The following C4orf17 variants were observed in gnomAD, a reference collection of about 807,000 sequenced individuals.
C4orf17 encodes chromosome 4 open reading frame 17, also known as uncharacterized protein C4orf17.
C4orf17 carries 25 observed loss-of-function variants against 32.0 expected under a neutral mutation model. That is an observed-to-expected ratio of 0.78 (90% CI 0.57 to 1.09). C4orf17 has a LOEUF of 1.09. Among genes scored for constraint, C4orf17 ranks in the 50% least tolerant of loss-of-function variants. The pLI, the probability that C4orf17 is intolerant of heterozygous loss-of-function variation, is 0.00. For synonymous variants in C4orf17, 149 were observed against 145.8 expected (o/e 1.02, Z -0.16); for missense variants, 420 against 420.0 (o/e 1.00, Z 0.00).
chr4:99,517,787 T>C (rs948616114), intron 2 of C4orf17, among the ~76,000 whole-genome samples: 4 of 152,162 alleles, frequency 2.6e-5, no homozygotes, highest in African/African-American at 7.2e-5. Flanking sequence ...AGACCAAATA[T>C]TTTTCAAATA....
At position 99,542,035 on chromosome 4, in the gene C4orf17, G is replaced by C; in HGVS notation, c.1006G>C (p.Val336Leu). ...TCAGGAGAGTGGATCAGCAAAACCAGTGTCAGCAAGGAGTATACAAGAATA... is the reference window on the plus strand; with the variant it reads ...TCAGGAGAGTGGATCAGCAAAACCACTGTCAGCAAGGAGTATACAAGAATA... ...NTQESGSAKP[V>L]SARSIQEYNL... is the part of the protein sequence containing the mutation. The change falls in exon 9 of 9, where the codon GTG becomes CTG. Residue 336 changes from valine to leucine, a missense_variant. Transcript: ENST00000326581. 1 of 1,614,104 alleles carries C rather than the reference G, an allele frequency of 6.2e-7. No individual in the cohort carries two copies. Among genetic ancestry groups the C allele is most frequent in the Non-Finnish European group, 8.5e-7 (1 of 1,180,004 alleles).
chr4:99,518,532 TATATATATATATAGAGAG>T (rs1717572286), intron 2 of C4orf17, among the ~76,000 whole-genome samples: 1 of 70,930 alleles, frequency 1.4e-5, no homozygotes, highest in Non-Finnish European at 2.4e-5. Flanking sequence ...TATATATATA[TATATATATATATAGAGAG>T]AGAGAGAGAG....
At chr4:99,532,684 G>A (rs935752283) in intron 5 of C4orf17, among the ~76,000 whole-genome samples, 9 of 152,094 alleles carry the variant, frequency 5.9e-5, no homozygotes, top group African/African-American at 7.2e-5. Flanking sequence ...ACATGTACCC[G>A]CTGAGTCTCA....
At chr4:99,537,621 C>A (rs76328281) in intron 5 of C4orf17, 48 bp from the exon 6 acceptor site, 2 of 1,318,020 alleles carry the variant, frequency 1.5e-6, no homozygotes, top group Non-Finnish European at 1.1e-6. Flanking sequence ...AACTGATAAG[C>A]CTTGTACTAT....
chr4:99,516,870 C>T (rs889082335), intron 2 of C4orf17, among the ~76,000 whole-genome samples: 4 of 152,172 alleles, frequency 2.6e-5, no homozygotes, highest in African/African-American at 4.8e-5. Flanking sequence ...TTCAGCCTAC[C>T]GAAGCGTGGC....
At position 99,524,504 on chromosome 4, in the gene C4orf17, C is replaced by G; in HGVS notation, c.338-17C>G. 1.3e-6 allele frequency: 2 copies of G among 1,501,880 alleles called. No individual in the cohort carries two copies. The highest frequency in any genetic ancestry group is 9.2e-7 in the Non-Finnish European group (1 of 1,084,094). The allele number at this position is 1,501,880 out of a possible 1,614,324, so 93.0% of individuals were successfully genotyped here. On this transcript the variant is annotated splice_polypyrimidine_tract_variant and intron_variant, in intron 3 of 8. Transcript: ENST00000326581. ...TTCAGTTTAATCTAAATACATTTTT[C>G]CTCAATTTTATTTCAGAGCCCAGTA... is the stretch of plus-strand genomic sequence containing the variant.
At chr4:99,531,655 C>T (rs1723478294) in intron 5 of C4orf17, among the ~76,000 whole-genome samples, 1 of 152,130 alleles carries the variant, frequency 6.6e-6, no homozygotes, top group African/African-American at 2.4e-5. Context: ...TTTCTTAGCA[C>T]TCACCACTTC....
chr4:99,527,419 T>C (rs1723407971), intron 4 of C4orf17, among the ~76,000 whole-genome samples: 1 of 152,174 alleles, frequency 6.6e-6, no homozygotes, highest in Non-Finnish European at 1.5e-5. Context: ...TCAAGTTAGG[T>C]GATACTGTTG....
intron 2 of C4orf17, among the ~76,000 whole-genome samples, chr4:99,520,176 G>T (rs904641124): frequency 2.7e-5 from 4 of 148,176 alleles, no homozygotes; most frequent in Admixed American, 1.4e-4. Flanking sequence ...TGCAAGCTCC[G>T]CCTCGCGGGT....
chr4:99,521,123 C>T (rs1723280931), intron 2 of C4orf17, among the ~76,000 whole-genome samples: 1 of 152,120 alleles, frequency 6.6e-6, no homozygotes, highest in Non-Finnish European at 1.5e-5. Context: ...CCTGTAATCC[C>T]AGCACTTCGG....
chr4:99,523,976 C>CTT (rs34303512), intron 3 of C4orf17, among the ~76,000 whole-genome samples: 36 of 114,088 alleles, frequency 3.2e-4, no homozygotes, highest in Non-Finnish European at 3.7e-4. Flanking sequence ...AAAATATATA[C>CTT]TTTTTTTTTT....
chr4:99,530,015 A>G (rs1209079067), intron 5 of C4orf17, 57 bp downstream of exon 5: 3 of 1,392,714 alleles, frequency 2.2e-6, no homozygotes, highest in Non-Finnish European at 2.9e-6. Context: ...ATACAAAAAA[A>G]TTTATACCAC....
At chr4:99,540,596 G>T in intron 8 of C4orf17, 141 bp downstream of exon 8, 1 of 584,432 alleles carries the variant, frequency 1.7e-6, no homozygotes, top group South Asian at 2.4e-5. Context: ...ATTCTTGAGA[G>T]AGCATCTGCT....
intron 4 of C4orf17, among the ~76,000 whole-genome samples, chr4:99,525,776 A>G (rs1320998176): frequency 1.3e-5 from 2 of 151,902 alleles, no homozygotes; most frequent in Non-Finnish European, 2.9e-5. Flanking sequence ...CCGCCTGGTG[A>G]CAGAGCAAGA....
intron 5 of C4orf17, among the ~76,000 whole-genome samples, chr4:99,533,230 G>C (rs549829372): frequency 6.6e-6 from 1 of 152,292 alleles, no homozygotes; most frequent in South Asian, 2.1e-4. Flanking sequence ...CTGTACTTTA[G>C]AAATCACTCT....
chr4:99,542,043 A>G lies in C4orf17; in HGVS notation c.1014A>G (p.Ala338=). 6.2e-7 allele frequency: 1 copy of G among 1,614,156 alleles called. No individual in the cohort carries two copies. The change falls in exon 9 of 9, where the codon GCA becomes GCG. Residue 338 remains alanine, a synonymous_variant. Transcript: ENST00000326581. Reference sequence around the variant, plus strand: ...GTGGATCAGCAAAACCAGTGTCAGCAAGGAGTATACAAGAATACAACCTCT... The same window carrying G: ...GTGGATCAGCAAAACCAGTGTCAGCGAGGAGTATACAAGAATACAACCTCT... ...QESGSAKPVS[A]RSIQEYNLCP...
Position 99,522,625 on chromosome 4 carries a change from T to C in C4orf17, c.253T>C (p.Ser85Pro), listed in dbSNP as rs13119384. The part of the protein sequence containing the change: ...RIPFANCSYP[S>P]STAVQESPVR... ...ACCATTTGCCAATTGCAGTTACCCC[T>C]CCAGCACTGCAGTCCAGGAGAGCCC... Residue 85 changes from serine (S) to proline (P), a missense_variant, in exon 3 of 9, where the codon TCC (serine) becomes CCC (proline). Transcript: ENST00000326581. 0.41 allele frequency: 653,930 copies of C among 1,610,256 alleles called. 145,794 individuals carry two copies. Among genetic ancestry groups the C allele is most frequent in the African/African-American group, 0.86 (64,465 of 74,896 alleles).
intron 2 of C4orf17, among the ~76,000 whole-genome samples, chr4:99,517,481 T>C (rs1001080302): frequency 6.6e-6 from 1 of 152,168 alleles, no homozygotes; most frequent in Non-Finnish European, 1.5e-5. Flanking sequence ...TCCACTACAC[T>C]GCAATCCTCA....
chr4:99,542,147 C>A lies in C4orf17; in HGVS notation c.*38C>A. 1 of 1,525,730 alleles carries A rather than the reference C, an allele frequency of 6.6e-7. No individual in the cohort carries two copies. Among genetic ancestry groups the A allele is most frequent in the Non-Finnish European group, 9.1e-7 (1 of 1,101,586 alleles). 94.5% of individuals were successfully genotyped at this position (1,525,730 alleles called of 1,614,324 possible). The stretch of plus-strand genomic sequence containing the variant: ...GGGTGAATTCTTTCATGAATATGAG[C>A]TTCACATTTACATCATCAAATTATT... On this transcript the variant is annotated 3_prime_UTR_variant, in exon 9 of 9. Transcript: ENST00000326581.
Sources: gnomAD v4.1 joint callset for allele counts (sites outside exome capture counted in the v4.1 genomes callset) on GRCh38, gnomAD v4.1.1 for gene constraint, MANE v1.5 for transcripts, NCBI Gene and HGNC (gene_info 2026-07-23, HGNC 2026-07-21) for gene names.